Variants in RTN1 observed in about 807,000 individuals in gnomAD.
RTN1 encodes reticulon-1.
In RTN1, 25 loss-of-function variants were observed where a neutral mutation model predicts 65.5. The observed-to-expected ratio is 0.38, with a 90% CI of 0.28 to 0.53. The LOEUF (loss-of-function observed/expected upper bound fraction) is 0.53, where lower values mean the gene tolerates loss of function less well. Ranked by LOEUF, RTN1 falls within the 20% of genes least tolerant of loss-of-function variation. RTN1 has a pLI of 0.79. For missense variants in RTN1, 983 were observed against 1,025.4 expected, an observed-to-expected ratio of 0.96 and a Z score of 0.57; for synonymous variants, 471 against 447.6, an observed-to-expected ratio of 1.05 and a Z score of -0.66.
intron 1 of RTN1, among the ~76,000 whole-genome samples, chr14:59,749,382 ATCTATATATATCTATATATATC>A (rs1464003882): frequency 1.8e-5 from 1 of 55,384 alleles, no homozygotes; most frequent in African/African-American, 1.4e-4. Flanking sequence ...ATATATCTAT[ATCTATATATATCTATATATATC>A]TATATCTATA....
intron 3 of RTN1, among the ~76,000 whole-genome samples, chr14:59,674,587 C>T (rs1883582546): frequency 6.6e-6 from 1 of 152,028 alleles, no homozygotes; most frequent in Non-Finnish European, 1.5e-5. Flanking sequence ...GGATTACTAC[C>T]AAAGGAACTA....
chr14:59,623,053 T>G (rs17096463), intron 3 of RTN1, among the ~76,000 whole-genome samples: 11,115 of 152,280 alleles, frequency 0.073, 1,133 homozygotes, highest in African/African-American at 0.22. Context: ...TCCACCACTT[T>G]AAATGAGCTT....
chr14:59,610,934 CTG>C (rs1456585102), intron 3 of RTN1, among the ~76,000 whole-genome samples: 2 of 152,162 alleles, frequency 1.3e-5, no homozygotes, highest in Non-Finnish European at 2.9e-5. Context: ...CAGGAATTGA[CTG>C]AGCACAAGAA....
intron 3 of RTN1, among the ~76,000 whole-genome samples, chr14:59,707,630 T>C (rs1884322671): frequency 6.6e-6 from 1 of 151,896 alleles, no homozygotes; most frequent in Non-Finnish European, 1.5e-5. Flanking sequence ...TCATTTGAAA[T>C]AAGGAAGAGA....
At chr14:59,763,233 G>GA (rs1885783503) in intron 1 of RTN1, among the ~76,000 whole-genome samples, 1 of 152,120 alleles carries the variant, frequency 6.6e-6, no homozygotes, top group Non-Finnish European at 1.5e-5. Context: ...ACAAATCAAG[G>GA]AAAATGACAA....
intron 3 of RTN1, among the ~76,000 whole-genome samples, chr14:59,724,457 T>G (rs148875489): frequency 1.3e-3 from 192 of 152,352 alleles, no homozygotes; most frequent in African/African-American, 4.2e-3. Context: ...GCATGCATAC[T>G]GCCAGAAGCT....
chr14:59,641,601 C>A (rs535469615), intron 3 of RTN1, among the ~76,000 whole-genome samples: 1 of 152,018 alleles, frequency 6.6e-6, no homozygotes, highest in Non-Finnish European at 1.5e-5. Flanking sequence ...GAACTCCCGA[C>A]CTCAGGTGAT....
At chr14:59,767,860 C>T (rs528461271) in intron 1 of RTN1, among the ~76,000 whole-genome samples, 1 of 152,306 alleles carries the variant, frequency 6.6e-6, no homozygotes, top group South Asian at 2.1e-4. Flanking sequence ...ACAGCCCTAG[C>T]ATAGTATCTG....
intron 3 of RTN1, among the ~76,000 whole-genome samples, chr14:59,713,311 T>C (rs532079737): frequency 1.1e-4 from 16 of 152,334 alleles, no homozygotes; most frequent in Non-Finnish European, 2.1e-4. Flanking sequence ...TGGGAGCAGC[T>C]GCTGTGATTC....
intron 3 of RTN1, among the ~76,000 whole-genome samples, chr14:59,714,255 T>C (rs1053315208): frequency 2.1e-5 from 3 of 144,716 alleles, no homozygotes; most frequent in South Asian, 4.4e-4. Context: ...AAAAAAAAAA[T>C]AGACTAATTT....
At chr14:59,791,853 T>G (rs1252763808) in intron 1 of RTN1, among the ~76,000 whole-genome samples, 1 of 151,454 alleles carries the variant, frequency 6.6e-6, no homozygotes, top group Non-Finnish European at 1.5e-5. Context: ...TTAGCCTGGA[T>G]TTTTTTTTGG....
At chr14:59,612,062 A>T (rs980790628) in intron 3 of RTN1, among the ~76,000 whole-genome samples, 1 of 152,210 alleles carries the variant, frequency 6.6e-6, no homozygotes, top group Non-Finnish European at 1.5e-5. Context: ...ATTAAAGACA[A>T]CAGGGACCAA....
chr14:59,865,980 T>C lies in RTN1; in HGVS notation c.241+4410A>G, dbSNP rs368113870. ...AAAAGACAGATTTTGTCTTTCACAGTCTGAGCAAGCTGTGCTCATATTTAC... is the reference window on the plus strand; with the variant it reads ...AAAAGACAGATTTTGTCTTTCACAGCCTGAGCAAGCTGTGCTCATATTTAC... On this transcript the variant is annotated intron_variant, in intron 1 of 8. Coordinates refer to ENST00000267484, the MANE Select transcript of RTN1 (RefSeq NM_021136.3). Among the ~76,000 whole-genome samples the C allele has an allele frequency of 3.3e-5, 5 of 152,158 alleles. No individual in the cohort carries two copies. In the East Asian group the frequency reaches 5.8e-4, roughly 18 times the overall value.
chr14:59,855,217 A>G (rs1004265899), intron 1 of RTN1, among the ~76,000 whole-genome samples: 2 of 152,178 alleles, frequency 1.3e-5, no homozygotes, highest in Non-Finnish European at 2.9e-5. Flanking sequence ...CAGGGATTTT[A>G]TTATTTATCC....
At chr14:59,869,233 G>T (rs1211676141) in intron 1 of RTN1, among the ~76,000 whole-genome samples, 2 of 151,748 alleles carry the variant, frequency 1.3e-5, no homozygotes, top group South Asian at 4.2e-4. Flanking sequence ...AGAAGCTTAC[G>T]AAAAGGGGTT....
intron 1 of RTN1, among the ~76,000 whole-genome samples, chr14:59,844,434 A>C (rs1321735921): frequency 6.6e-6 from 1 of 152,214 alleles, no homozygotes; most frequent in Non-Finnish European, 1.5e-5. Context: ...TTACTCTGAC[A>C]ATATAGTTAG....
chr14:59,649,672 T>C (rs996338031), intron 3 of RTN1, among the ~76,000 whole-genome samples: 2 of 152,174 alleles, frequency 1.3e-5, no homozygotes, highest in African/African-American at 2.4e-5. Context: ...CTGGTCATTA[T>C]AGAAATGCAA....
intron 3 of RTN1, among the ~76,000 whole-genome samples, chr14:59,628,404 T>C (rs1882456735): frequency 6.6e-6 from 1 of 152,120 alleles, no homozygotes; most frequent in Non-Finnish European, 1.5e-5. Flanking sequence ...ACACTAAAAA[T>C]GCTAAACAAC....
At chr14:59,856,651 C>G (rs1407237880) in intron 1 of RTN1, among the ~76,000 whole-genome samples, 1 of 152,136 alleles carries the variant, frequency 6.6e-6, no homozygotes, top group Non-Finnish European at 1.5e-5. Context: ...TTACCAAAAC[C>G]GACTTCTCTC....
Sources: allele counts gnomAD v4.1 joint callset (sites outside exome capture counted in the v4.1 genomes callset), GRCh38; gene constraint gnomAD v4.1.1; transcripts MANE v1.5; gene names NCBI Gene and HGNC (gene_info 2026-07-23, HGNC 2026-07-21).